Variants in SGCZ observed in about 807,000 individuals in gnomAD.
SGCZ encodes zeta-sarcoglycan.
SGCZ carries 40 observed loss-of-function variants against 41.3 expected under a neutral mutation model. The observed-to-expected ratio is 0.97, with a 90% CI of 0.75 to 1.26. The LOEUF is 1.26. SGCZ is among the 50% of genes most tolerant of loss of function. The probability of loss-of-function intolerance (pLI) is 0.00; values close to 1 mark genes in which losing one functional copy is unlikely to be tolerated. For synonymous variants in SGCZ, 206 were observed against 137.5 expected, an observed-to-expected ratio of 1.50 and a Z score of -3.49; for missense variants, 552 against 369.8, an observed-to-expected ratio of 1.49 and a Z score of -4.04.
At chr8:14,416,851 T>C (rs111737633) in intron 2 of SGCZ, among the ~76,000 whole-genome samples, 13 of 151,876 alleles carry the variant, frequency 8.6e-5, no homozygotes, top group Non-Finnish European at 1.2e-4. Context: ...TTAAGTAGAA[T>C]AATGAGTATA....
intron 2 of SGCZ, among the ~76,000 whole-genome samples, chr8:14,381,038 A>G (rs1367960097): frequency 6.6e-6 from 1 of 152,140 alleles, no homozygotes; most frequent in Non-Finnish European, 1.5e-5. Context: ...ACTAGGGTCA[A>G]TTTCTGACTC....
chr8:14,503,701 G>A (rs183815659), intron 2 of SGCZ, among the ~76,000 whole-genome samples: 152 of 152,062 alleles, frequency 1.0e-3, no homozygotes, highest in African/African-American at 3.6e-3. Context: ...CTGGGAGGTG[G>A]AGGTTGCAGT....
intron 1 of SGCZ, among the ~76,000 whole-genome samples, chr8:15,027,905 C>T (rs1208768318): frequency 1.3e-5 from 2 of 152,054 alleles, no homozygotes; most frequent in Non-Finnish European, 2.9e-5. Context: ...TATCTATTAG[C>T]ATATTTATTC....
intron 2 of SGCZ, among the ~76,000 whole-genome samples, chr8:14,489,461 G>T (rs953496432): frequency 6.6e-6 from 1 of 152,040 alleles, no homozygotes; most frequent in Non-Finnish European, 1.5e-5. Flanking sequence ...GAACACATTT[G>T]TACATGTAAA....
chr8:14,556,592 C>G (rs1032859899), intron 1 of SGCZ, among the ~76,000 whole-genome samples: 22 of 152,002 alleles, frequency 1.4e-4, no homozygotes, highest in Non-Finnish European at 1.5e-5. Flanking sequence ...ACTCACTTCT[C>G]ACCATTTCCC....
chr8:14,930,707 A>T (rs887456152), intron 1 of SGCZ, among the ~76,000 whole-genome samples: 2 of 151,974 alleles, frequency 1.3e-5, no homozygotes, highest in African/African-American at 4.8e-5. Flanking sequence ...GACGCTGGAA[A>T]CCATCATTCT....
chr8:14,759,430 C>G (rs1490760692), intron 1 of SGCZ, among the ~76,000 whole-genome samples: 1 of 152,112 alleles, frequency 6.6e-6, no homozygotes, highest in Non-Finnish European at 1.5e-5. Context: ...TAGGTAGTCT[C>G]AAAAACTTAA....
chr8:14,682,445 T>C (rs1585179162), intron 1 of SGCZ, among the ~76,000 whole-genome samples: 1 of 151,438 alleles, frequency 6.6e-6, no homozygotes, highest in African/African-American at 2.4e-5. Flanking sequence ...AATTTTTTTT[T>C]TTTTTTTGAG....
chr8:14,674,426 G>C (rs188760279), intron 1 of SGCZ, among the ~76,000 whole-genome samples: 1 of 152,256 alleles, frequency 6.6e-6, no homozygotes, highest in Non-Finnish European at 1.5e-5. Flanking sequence ...TAATTGTACA[G>C]AAGTAGCTAA....
intron 1 of SGCZ, among the ~76,000 whole-genome samples, chr8:14,745,860 A>G (rs1480887810): frequency 1.3e-5 from 2 of 152,070 alleles, no homozygotes; most frequent in African/African-American, 2.4e-5. Context: ...TTAGTCTTTC[A>G]CACTCTTGGA....
intron 1 of SGCZ, among the ~76,000 whole-genome samples, chr8:14,983,885 A>G (rs1801749210): frequency 6.6e-6 from 1 of 152,180 alleles, no homozygotes; most frequent in Admixed American, 6.5e-5. Context: ...TTATATATTC[A>G]ACTATATACA....
rs1003777084 is a variant in SGCZ at position 14,384,225 on chromosome 8, T to C, written c.235-60021A>G. On this transcript the variant is annotated intron_variant, in intron 2 of 7. Transcript: ENST00000382080. The stretch of plus-strand genomic sequence containing the variant: ...GTGAGAACATGCGGTGTTCGGTTTT[T>C]TGTCCTTGCGATAGTTTGCTGAGAA... Among the ~76,000 whole-genome samples the C allele has an allele frequency of 4.6e-5, 7 of 152,084 alleles. No individual in the cohort carries two copies. In the South Asian group the frequency reaches 6.2e-4, roughly 14 times the overall value.
intron 1 of SGCZ, among the ~76,000 whole-genome samples, chr8:15,058,177 A>T (rs1487208996): frequency 6.6e-6 from 1 of 152,254 alleles, no homozygotes; most frequent in Non-Finnish European, 1.5e-5. Context: ...GATAATTTAT[A>T]ACAGCAGTAT....
At chr8:14,866,172 T>C (rs1011880286) in intron 1 of SGCZ, among the ~76,000 whole-genome samples, 1 of 152,142 alleles carries the variant, frequency 6.6e-6, no homozygotes, top group African/African-American at 2.4e-5. Context: ...TTTCATATGA[T>C]TAAAAGAAAG....
chr8:14,219,802 T>C (rs1166521811), intron 4 of SGCZ, among the ~76,000 whole-genome samples: 1 of 151,834 alleles, frequency 6.6e-6, no homozygotes, highest in Non-Finnish European at 1.5e-5. Flanking sequence ...ATTCACCATA[T>C]TCACCTGACC....
In SGCZ at chr8:14,121,090, G is replaced by A. The variant is rs980372939; in HGVS notation, c.548-12855C>T. On this transcript the variant is annotated intron_variant, in intron 5 of 7. Transcript: ENST00000382080. ...CTGTGAAATAGAGAAATAGCCTAAC[G>A]GCTAAGAGAGTCCCCAGAAACAGAG... Among the ~76,000 whole-genome samples, 8 of 152,006 alleles carry A rather than the reference G, an allele frequency of 5.3e-5. No homozygotes were observed. The South Asian group carries it at 6.2e-4, about 12-fold the overall frequency.
chr8:15,097,756 A>G (rs984436233), intron 1 of SGCZ, among the ~76,000 whole-genome samples: 5 of 10,680 alleles, frequency 4.7e-4, no homozygotes, highest in Non-Finnish European at 7.0e-4. Context: ...ATATACACGT[A>G]TATATGTGTT....
intron 1 of SGCZ, among the ~76,000 whole-genome samples, chr8:14,844,829 T>C (rs1009732123): frequency 4.6e-5 from 7 of 152,232 alleles, no homozygotes; most frequent in Middle Eastern, 3.4e-3. Flanking sequence ...CATTAGGCCA[T>C]ATAGGACAGT....
intron 1 of SGCZ, among the ~76,000 whole-genome samples, chr8:15,112,419 T>C (rs1222419089): frequency 6.6e-6 from 1 of 152,242 alleles, no homozygotes; most frequent in Non-Finnish European, 1.5e-5. Flanking sequence ...ATATTGCTTC[T>C]AGAACAATAA....
Sources: allele counts gnomAD v4.1 joint callset (sites outside exome capture counted in the v4.1 genomes callset), GRCh38; gene constraint gnomAD v4.1.1; transcripts MANE v1.5; gene names NCBI Gene and HGNC (gene_info 2026-07-23, HGNC 2026-07-21).